TLE1: variants seen among roughly 807,000 people sequenced by gnomAD.
The protein encoded by TLE1 is transducin-like enhancer protein 1.
TLE1 carries 21 observed loss-of-function variants against 89.8 expected under a neutral mutation model. The observed-to-expected ratio is 0.23, with a 90% CI of 0.17 to 0.34. The LOEUF is 0.34. Among genes scored for constraint, TLE1 ranks in the 10% least tolerant of loss-of-function variants. The pLI is 1.00. For synonymous variants in TLE1, 447 were observed against 407.6 expected (o/e 1.10, Z -1.16); for missense variants, 795 against 1,031.2 (o/e 0.77, Z 3.14).
intron 10 of TLE1, 108 bp downstream of exon 10, chr9:81,616,538 A>T: frequency 1.8e-6 from 2 of 1,131,500 alleles, no homozygotes; most frequent in Non-Finnish European, 2.6e-6. Flanking sequence ...AGAAGTTGCA[A>T]GAGGTCCCCC....
intron 8 of TLE1, among the ~76,000 whole-genome samples, chr9:81,624,979 C>A (rs1825731678): frequency 6.6e-6 from 1 of 151,932 alleles, no homozygotes; most frequent in African/African-American, 2.4e-5. Flanking sequence ...GGGTCAAGTA[C>A]CCTGTACATA....
intron 5 of TLE1, among the ~76,000 whole-genome samples, chr9:81,653,278 G>C (rs530792370): frequency 6.6e-6 from 1 of 152,166 alleles, no homozygotes; most frequent in East Asian, 1.9e-4. Context: ...TCCACCCTGC[G>C]TGAAGATGCA....
chr9:81,604,007 A>C (rs1437057598), intron 14 of TLE1, among the ~76,000 whole-genome samples: 1 of 152,188 alleles, frequency 6.6e-6, no homozygotes. Context: ...GTCTCAAAAA[A>C]ACAAAACAGA....
At chr9:81,631,908 GC>G (rs1440916739) in intron 8 of TLE1, among the ~76,000 whole-genome samples, 1 of 152,118 alleles carries the variant, frequency 6.6e-6, no homozygotes, top group African/African-American at 2.4e-5. Context: ...TTCCAGACCA[GC>G]CTGACCAACA....
chr9:81,593,929 G>A (rs1829880882), intron 14 of TLE1, among the ~76,000 whole-genome samples: 1 of 152,148 alleles, frequency 6.6e-6, no homozygotes, highest in Non-Finnish European at 1.5e-5. Context: ...AAAGTGTGCA[G>A]CTAAAAAACT....
chr9:81,654,185 A>C (rs1166595793), intron 4 of TLE1, 149 bp from the exon 5 acceptor site: 1 of 652,556 alleles, frequency 1.5e-6, no homozygotes. Context: ...ACTAATACTT[A>C]TCTTGAAATA....
intron 6 of TLE1, among the ~76,000 whole-genome samples, chr9:81,636,156 C>T (rs1183540142): frequency 6.6e-6 from 1 of 152,132 alleles, no homozygotes; most frequent in Non-Finnish European, 1.5e-5. Flanking sequence ...ATAAACTACT[C>T]ATTCACCATT....
At position 81,610,268 on chromosome 9, in the gene TLE1, C is replaced by T. The variant is rs938523449; in HGVS notation, c.1283G>A (p.Arg428Lys). 6.2e-7 allele frequency: 1 copy of T among 1,614,036 alleles called. No homozygotes were observed. The highest frequency in any genetic ancestry group is 8.5e-7 in the Non-Finnish European group (1 of 1,180,018). The change falls in exon 14 of 20, where the codon AGA (arginine) becomes AAA (lysine). Residue 428 changes from arginine (R) to lysine (K), a missense_variant. Around this residue, in one of 4 missense-constraint regions of TLE1, gnomAD observed 468 missense variants for 509.1 expected, o/e 0.92. Transcript: ENST00000376499. ...CAGGTTTGGAGGAATGGTAGGTACT[C>T]TCATGTGAGGGGGAGGATCAAACCC... ...MVGFDPPPHM[R>K]VPTIPPNLAG...
chr9:81,680,055 G>A (rs1305108576), intron 4 of TLE1, among the ~76,000 whole-genome samples: 1 of 152,118 alleles, frequency 6.6e-6, no homozygotes, highest in Non-Finnish European at 1.5e-5. Flanking sequence ...GTCCTCTGGC[G>A]AAGGACGCTC....
chr9:81,681,106 T>TA (rs1029862699), intron 4 of TLE1, among the ~76,000 whole-genome samples: 16 of 152,170 alleles, frequency 1.1e-4, no homozygotes, highest in Non-Finnish European at 2.1e-4. Flanking sequence ...ATCAAAACTG[T>TA]AAAAGCAGTT....
chr9:81,650,719 A>G (rs796846638), intron 6 of TLE1, among the ~76,000 whole-genome samples: 8 of 152,176 alleles, frequency 5.3e-5, no homozygotes, highest in African/African-American at 1.9e-4. Context: ...AAGGAGGGGG[A>G]AGGCAGTGCC....
intron 8 of TLE1, among the ~76,000 whole-genome samples, chr9:81,623,617 TAAAAAAAAA>T (rs751545706): frequency 2.9e-4 from 13 of 44,502 alleles, no homozygotes; most frequent in Non-Finnish European, 3.7e-4. Context: ...CATCTGTACT[TAAAAAAAAA>T]AAAAAAAAAA....
At chr9:81,633,308 T>C (rs1170458999) in intron 8 of TLE1, 40 bp downstream of exon 8, 5 of 1,604,990 alleles carry the variant, frequency 3.1e-6, no homozygotes, top group Admixed American at 1.7e-5. Context: ...TGTGTGTGTG[T>C]GTGTGTGTGT....
At chr9:81,665,754 A>G (rs1831383727) in intron 4 of TLE1, among the ~76,000 whole-genome samples, 1 of 152,146 alleles carries the variant, frequency 6.6e-6, no homozygotes, top group South Asian at 2.1e-4. Context: ...GGGGCCCATC[A>G]AAGAATGACA....
At chr9:81,623,344 T>C (rs917204956) in intron 8 of TLE1, among the ~76,000 whole-genome samples, 1 of 152,192 alleles carries the variant, frequency 6.6e-6, no homozygotes, top group African/African-American at 2.4e-5. Flanking sequence ...AACCTGGGTA[T>C]TGACTAAATT....
At chr9:81,678,401 G>A (rs964828373) in intron 4 of TLE1, among the ~76,000 whole-genome samples, 1 of 151,948 alleles carries the variant, frequency 6.6e-6, no homozygotes, top group African/African-American at 2.4e-5. Context: ...ATCTTTTATT[G>A]TAGAGATAGG....
intron 8 of TLE1, among the ~76,000 whole-genome samples, chr9:81,630,106 A>G (rs1826382746): frequency 2.6e-5 from 4 of 152,026 alleles, no homozygotes; most frequent in Non-Finnish European, 4.4e-5. Context: ...GGTATAAATA[A>G]TATGTTCAAT....
intron 11 of TLE1, among the ~76,000 whole-genome samples, chr9:81,614,289 G>A (rs1271981899): frequency 6.6e-6 from 1 of 152,154 alleles, no homozygotes; most frequent in African/African-American, 2.4e-5. Context: ...CAGTATCTCA[G>A]AGACAAAAGC....
At chr9:81,638,087 T>C (rs554967919) in intron 6 of TLE1, among the ~76,000 whole-genome samples, 1 of 152,202 alleles carries the variant, frequency 6.6e-6, no homozygotes, top group Non-Finnish European at 1.5e-5. Context: ...GCTAACCAGA[T>C]GCTCTTGAGA....
Sources: gnomAD v4.1 joint callset for allele counts (sites outside exome capture counted in the v4.1 genomes callset) on GRCh38, gnomAD v4.1.1 for gene constraint, gnomAD v4.1.1 regional missense constraint, MANE v1.5 for transcripts, NCBI Gene and HGNC (gene_info 2026-07-23, HGNC 2026-07-21) for gene names.